Variants in ADRA1A observed in about 807,000 individuals in gnomAD.
ADRA1A encodes alpha-1A adrenergic receptor.
Under a neutral mutation model 29.6 loss-of-function variants are expected in ADRA1A, and 31 were observed. The observed-to-expected ratio is 1.05, with a 90% CI of 0.79 to 1.41. The LOEUF (loss-of-function observed/expected upper bound fraction) is 1.41. Among genes scored for constraint, ADRA1A ranks in the 40% most tolerant of loss-of-function variants. The probability of loss-of-function intolerance (pLI) is 0.00; values close to 1 mark genes in which losing one functional copy is unlikely to be tolerated. For synonymous variants in ADRA1A, 311 were observed against 254.3 expected, an observed-to-expected ratio of 1.22 and a Z score of -2.12; for missense variants, 619 against 601.1, an observed-to-expected ratio of 1.03 and a Z score of -0.31.
chr8:26,759,930 G>T (rs1422315988), intron 2 of ADRA1A, among the ~76,000 whole-genome samples: 1 of 152,128 alleles, frequency 6.6e-6, no homozygotes, highest in African/African-American at 2.4e-5. Flanking sequence ...GACTGAAGCT[G>T]GTGCATCACG....
rs1054934307 is a variant in ADRA1A at position 26,769,006 on chromosome 8, G to T, written c.*1143C>A. 13 of 985,410 alleles carry T rather than the reference G, an allele frequency of 1.3e-5. No homozygotes were observed. The highest frequency in any genetic ancestry group is 1.0e-3 in the Middle Eastern group (2 of 1,914). 61.0% of individuals were successfully genotyped at this position (985,410 alleles called of 1,614,324 possible). On this transcript the variant is annotated 3_prime_UTR_variant, in exon 3 of 3. Coordinates refer to ENST00000380573, the MANE Select transcript of ADRA1A (RefSeq NM_000680.4). ...AGTTCTTTGGTGATCCATCAGTATT[G>T]TCTGAAGCTAAGCATTAGTATTTTT...
intron 2 of ADRA1A, among the ~76,000 whole-genome samples, chr8:26,850,045 CA>C (rs780926887): frequency 4.9e-5 from 6 of 123,386 alleles, no homozygotes; most frequent in African/African-American, 8.7e-5. Flanking sequence ...AAACAAAAAA[CA>C]AAAAAAAAAC....
chr8:26,751,354 T>A (rs1251168371), intron 2 of ADRA1A, among the ~76,000 whole-genome samples: 1 of 152,248 alleles, frequency 6.6e-6, no homozygotes, highest in African/African-American at 2.4e-5. Flanking sequence ...TTGTTTTTCA[T>A]AAATTCTGTT....
At chr8:26,852,928 T>A (rs1812742092) in intron 2 of ADRA1A, among the ~76,000 whole-genome samples, 1 of 152,160 alleles carries the variant, frequency 6.6e-6, no homozygotes, top group South Asian at 2.1e-4. Context: ...ATATTTCCTG[T>A]GATACAGCAA....
chr8:26,866,925 G>A lies in ADRA1A; in HGVS notation c.-687+11C>T, dbSNP rs1394005219. On this transcript the variant is annotated intron_variant, in intron 1 of 2. Transcript: ENST00000380573. The surrounding 1 kb of genome is among the most constrained non-coding windows in gnomAD (Gnocchi z 5.7). Reference sequence around the variant, plus strand: ...CTCGGCCCTGCGGGACGCCGGCCCCGGCGCACTCACCTGAAGCGCCGCTGC... The same window carrying A: ...CTCGGCCCTGCGGGACGCCGGCCCCAGCGCACTCACCTGAAGCGCCGCTGC... The A allele has an allele frequency of 1.0e-6, 1 of 985,268 alleles. No homozygotes were observed. Among genetic ancestry groups the A allele is most frequent in the Non-Finnish European group, 1.2e-6 (1 of 829,968 alleles). The allele number at this position is 985,268 out of a possible 1,614,324, so 61.0% of individuals were successfully genotyped here.
chr8:26,762,522 G>A (rs1292969179), downstream of ADRA1A, among the ~76,000 whole-genome samples: 2 of 152,138 alleles, frequency 1.3e-5, no homozygotes, highest in South Asian at 2.1e-4. The surrounding 1 kb of genome is among the most constrained non-coding windows in gnomAD (Gnocchi z 4.0). Context: ...ACCCTCTGGA[G>A]CAAGGGCACC....
chr8:26,802,436 G>A (rs12682290), intron 2 of ADRA1A, among the ~76,000 whole-genome samples: 15,861 of 152,088 alleles, frequency 0.1, 1,340 homozygotes, highest in East Asian at 0.33. Context: ...ACATTTCTCA[G>A]AAGAAGACAT....
exon 3 of ADRA1A, chr8:26,756,681 G>C: frequency 6.2e-7 from 1 of 1,612,694 alleles, no homozygotes; most frequent in South Asian, 1.1e-5. Context: ...AAAGACAGTG[G>C]GTCGCAGGAC....
chr8:26,806,015 A>T lies in ADRA1A; in HGVS notation c.884-35349T>A, dbSNP rs1808950044. 6.6e-6 allele frequency among the ~76,000 whole-genome samples: 1 copy of T among 152,080 alleles called. No homozygotes were observed. Among genetic ancestry groups the T allele is most frequent in the South Asian group, 2.1e-4 (1 of 4,830 alleles). On this transcript the variant is annotated intron_variant, in intron 2 of 2. Coordinates refer to ENST00000380573, the MANE Select transcript of ADRA1A (RefSeq NM_000680.4). This position sits in a 1 kb window ranked among gnomAD's most constrained non-coding sequence, Gnocchi z 4.6. ...GTGGCTGGTTCTCCTTTTCTAGGACATTCCCTGAGGCCACTTGTGGCAGCC... is the reference window on the plus strand; with the variant it reads ...GTGGCTGGTTCTCCTTTTCTAGGACTTTCCCTGAGGCCACTTGTGGCAGCC...
In ADRA1A at chr8:26,864,166, C is replaced by A. The variant is rs1173589608; in HGVS notation, c.804G>T (p.Lys268Asn). 1.2e-6 allele frequency: 2 copies of A among 1,614,158 alleles called. No individual in the cohort carries two copies. Among genetic ancestry groups the A allele is most frequent in the Non-Finnish European group, 1.7e-6 (2 of 1,180,048 alleles). ...SVRLLKFSRE[K>N]KAAKTLGIVV... ...CGATGCCCAGCGTTTTGGCCGCTTT[C>A]TTCTCCCGGGAGAACTTGAGGAGCC... Residue 268 changes from lysine to asparagine, a missense_variant, in exon 2 of 3, where the codon AAG becomes AAT. Transcript: ENST00000380573. The surrounding 1 kb of genome is among the most constrained non-coding windows in gnomAD (Gnocchi z 8.1).
At position 26,867,201 on chromosome 8, in the gene ADRA1A, A is replaced by G. The variant is rs918256089; in HGVS notation, c.-952T>C. On this transcript the variant is annotated 5_prime_UTR_variant, in exon 1 of 3. Transcript: ENST00000380573. The stretch of plus-strand genomic sequence containing the variant: ...AAATGCAGATAACCGGTAACTCCAC[A>G]ATCACCCTTTTAATATTCAGCTCCC... 1.0e-6 allele frequency: 1 copy of G among 985,338 alleles called. No homozygotes were observed. The highest frequency in any genetic ancestry group is 1.7e-5 in the African/African-American group (1 of 57,228). 61.0% of individuals were successfully genotyped at this position (985,338 alleles called of 1,614,324 possible). A position where few individuals can be genotyped will look rare whatever the true frequency, so the allele number is the denominator to read the frequency against.
intron 2 of ADRA1A, among the ~76,000 whole-genome samples, chr8:26,778,646 G>T (rs1013802360): frequency 6.6e-6 from 1 of 152,112 alleles, no homozygotes; most frequent in African/African-American, 2.4e-5. Context: ...CCTTTGTAGG[G>T]ACATGGATGA....
At position 26,863,078 on chromosome 8, in the gene ADRA1A, C is replaced by T. The variant is rs146451317; in HGVS notation, c.883+1009G>A. The stretch of plus-strand genomic sequence containing the variant: ...CAAATTAAAGTACTTTAAGTATATG[C>T]CATTTAAATTAGGCTGTAAAGCACT... On this transcript the variant is annotated intron_variant, in intron 2 of 2. Transcript: ENST00000380573. Among the ~76,000 whole-genome samples, 886 of 152,218 alleles carry T rather than the reference C, an allele frequency of 5.8e-3. 10 individuals are homozygous for T. The highest frequency in any genetic ancestry group is 0.02 in the African/African-American group (850 of 41,522).
At chr8:26,792,604 CAGT>C (rs928554444) in intron 2 of ADRA1A, among the ~76,000 whole-genome samples, 4 of 148,540 alleles carry the variant, frequency 2.7e-5, no homozygotes, top group Non-Finnish European at 5.9e-5. Flanking sequence ...ACATTTAACT[CAGT>C]ACTTTCTCAC....
In ADRA1A at chr8:26,865,828, A is replaced by G. The variant is rs1355537457; in HGVS notation, c.-686-173T>C. ...ACTTCGGAGCTCATCTCGCGCCCCC[A>G]CCACTGGGAACCTGCCTAGCGCACT... On this transcript the variant is annotated intron_variant, in intron 1 of 2. Transcript: ENST00000380573. The surrounding 1 kb of genome is among the most constrained non-coding windows in gnomAD (Gnocchi z 7.6). 3 of 393,708 alleles carry G rather than the reference A, an allele frequency of 7.6e-6. No individual in the cohort carries two copies. The Admixed American group carries it at 1.9e-4, about 25-fold the overall frequency. The allele number at this position is 393,708 out of a possible 1,614,324, so 24.4% of individuals were successfully genotyped here. A position where few individuals can be genotyped will look rare whatever the true frequency, so the allele number is the denominator to read the frequency against.
At chr8:26,750,242 C>A (rs924425949) in intron 2 of ADRA1A, among the ~76,000 whole-genome samples, 3 of 152,204 alleles carry the variant, frequency 2.0e-5, no homozygotes, top group Non-Finnish European at 4.4e-5. Context: ...TGCTCTGTTG[C>A]CCAGGCTGGA....
intron 2 of ADRA1A, among the ~76,000 whole-genome samples, chr8:26,842,591 A>G (rs1000025875): frequency 1.3e-5 from 2 of 152,058 alleles, no homozygotes; most frequent in African/African-American, 2.4e-5. Context: ...CTAAACAGCC[A>G]GCCTGAATCT....
intron 2 of ADRA1A, among the ~76,000 whole-genome samples, chr8:26,748,900 C>T (rs967145345): frequency 9.9e-5 from 15 of 152,232 alleles, no homozygotes; most frequent in South Asian, 6.2e-4. Context: ...CAGTCACCTA[C>T]GGACTCAACC....
At chr8:26,765,159 C>A (rs1805706481), downstream of ADRA1A, among the ~76,000 whole-genome samples, 1 of 152,180 alleles carries the variant, frequency 6.6e-6, no homozygotes, top group Non-Finnish European at 1.5e-5. Flanking sequence ...CCCCTCTAAC[C>A]CCAAACCCCA....
Sources: allele counts gnomAD v4.1 joint callset (sites outside exome capture counted in the v4.1 genomes callset), GRCh38; gene constraint gnomAD v4.1.1; non-coding constraint Gnocchi (gnomAD v3.1); transcripts MANE v1.5; gene names NCBI Gene and HGNC (gene_info 2026-07-23, HGNC 2026-07-21).